The following ESRRB variants were observed in gnomAD, a reference collection of about 807,000 sequenced individuals.
ESRRB encodes the protein steroid hormone receptor ERR2.
In ESRRB, 16 loss-of-function variants were observed where a neutral mutation model predicts 46.0. The ratio of observed to expected loss-of-function variants is 0.35; its 90% confidence interval spans 0.24 to 0.53. The LOEUF (loss-of-function observed/expected upper bound fraction) is 0.53, where lower values mean the gene tolerates loss of function less well. Ranked by LOEUF, ESRRB falls within the 20% of genes least tolerant of loss-of-function variation. ESRRB has a pLI of 0.93. For missense variants in ESRRB, 488 were observed against 607.4 expected, an observed-to-expected ratio of 0.80 and a Z score of 2.07; for synonymous variants, 246 against 259.6, an observed-to-expected ratio of 0.95 and a Z score of 0.50.
intron 1 of ESRRB, among the ~76,000 whole-genome samples, chr14:76,403,848 T>A (rs945382491): frequency 6.6e-6 from 1 of 152,152 alleles, no homozygotes; most frequent in Admixed American, 6.6e-5. Flanking sequence ...TGCCTCAGCC[T>A]CCTGGGATTA....
intron 3 of ESRRB, among the ~76,000 whole-genome samples, chr14:76,465,554 T>A (rs941738993): frequency 6.6e-6 from 1 of 151,502 alleles, no homozygotes; most frequent in African/African-American, 2.4e-5. Flanking sequence ...GTATCGGGGG[T>A]GCTGGGAGGA....
At chr14:76,450,098 A>G (rs1342709277) in intron 2 of ESRRB, among the ~76,000 whole-genome samples, 1 of 151,994 alleles carries the variant, frequency 6.6e-6, no homozygotes, top group African/African-American at 2.4e-5. Flanking sequence ...GACAGGTGTT[A>G]TGAAGGAGAA....
chr14:76,389,790 A>G (rs776224861), intron 1 of ESRRB, among the ~76,000 whole-genome samples: 19 of 152,234 alleles, frequency 1.2e-4, no homozygotes, highest in Non-Finnish European at 2.5e-4. Context: ...GTATAAACTT[A>G]TAATTAAATA....
At chr14:76,477,686 C>T (rs1262402323) in intron 3 of ESRRB, among the ~76,000 whole-genome samples, 2 of 152,194 alleles carry the variant, frequency 1.3e-5, no homozygotes, top group Admixed American at 6.5e-5. Flanking sequence ...GCAAGGGGAA[C>T]AGACACATTT....
chr14:76,349,030 T>TTC (rs1036863705), intron 1 of ESRRB, among the ~76,000 whole-genome samples: 22 of 152,224 alleles, frequency 1.4e-4, no homozygotes, highest in Admixed American at 4.6e-4. Flanking sequence ...CAGAAAAGCT[T>TTC]TCACTAGCTT....
chr14:76,395,209 A>C (rs1307152234), intron 1 of ESRRB, among the ~76,000 whole-genome samples: 2 of 152,170 alleles, frequency 1.3e-5, no homozygotes, highest in African/African-American at 4.8e-5. Context: ...CCGGGGCCTC[A>C]TTCCATGGCT....
chr14:76,312,201 G>T (rs1883746431), intron 1 of ESRRB, among the ~76,000 whole-genome samples: 1 of 151,922 alleles, frequency 6.6e-6, no homozygotes, highest in Non-Finnish European at 1.5e-5. Context: ...TATTATTTTT[G>T]ATTGATTACA....
chr14:76,477,724 T>C (rs923150565), intron 3 of ESRRB, among the ~76,000 whole-genome samples: 5 of 151,504 alleles, frequency 3.3e-5, no homozygotes, highest in African/African-American at 1.2e-4. Context: ...TGTGCATAAT[T>C]AAACCCAACA....
At position 76,498,870 on chromosome 14, in the gene ESRRB, C is replaced by T. The variant is rs1364470008; in HGVS notation, c.*412C>T. On this transcript the variant is annotated 3_prime_UTR_variant, in exon 7 of 7. Transcript: ENST00000644823. ...ATCTGTGGCCTGGGTGGGCACTGCT[C>T]AGGCTGGATACCACCTGGAGGTTTT... The T allele has an allele frequency of 1.8e-6, 1 of 540,604 alleles. No homozygotes were observed. 33.5% of individuals were successfully genotyped at this position (540,604 alleles called of 1,614,324 possible). A position where few individuals can be genotyped will look rare whatever the true frequency, so the allele number is the denominator to read the frequency against.
At chr14:76,366,088 CTT>C (rs1884519013) in intron 1 of ESRRB, among the ~76,000 whole-genome samples, 1 of 152,116 alleles carries the variant, frequency 6.6e-6, no homozygotes, top group Admixed American at 6.5e-5. Flanking sequence ...TCTCCCCTAC[CTT>C]CAGGGAGTGA....
chr14:76,328,334 A>T (rs1883960782), intron 1 of ESRRB, among the ~76,000 whole-genome samples: 1 of 152,220 alleles, frequency 6.6e-6, no homozygotes, highest in Non-Finnish European at 1.5e-5. Flanking sequence ...GAGAGGAAGC[A>T]GTTAGAGTTG....
intron 3 of ESRRB, among the ~76,000 whole-genome samples, chr14:76,473,462 T>C (rs181802375): frequency 3.7e-4 from 56 of 152,344 alleles, no homozygotes; most frequent in Non-Finnish European, 2.9e-4. Context: ...GCCTGCCCTG[T>C]CTGAACCTTT....
At chr14:76,401,331 A>G (rs1478036723) in intron 1 of ESRRB, among the ~76,000 whole-genome samples, 1 of 152,136 alleles carries the variant, frequency 6.6e-6, no homozygotes, top group Admixed American at 6.5e-5. Context: ...CACCCAGCTG[A>G]TGGTGGCCCC....
At chr14:76,497,052 G>T in intron 6 of ESRRB, among the ~76,000 whole-genome samples, 1 of 152,180 alleles carries the variant, frequency 6.6e-6, no homozygotes, top group East Asian at 1.9e-4. Context: ...TCCTTGGGGA[G>T]AGTCGGGGGA....
intron 1 of ESRRB, among the ~76,000 whole-genome samples, chr14:76,438,089 T>C (rs1595117603): frequency 6.6e-6 from 1 of 151,956 alleles, no homozygotes; most frequent in Non-Finnish European, 1.5e-5. Context: ...GCAGGCTGGG[T>C]AGAAGCTGGC....
chr14:76,328,954 G>A (rs1243576044), intron 1 of ESRRB, among the ~76,000 whole-genome samples: 1 of 152,162 alleles, frequency 6.6e-6, no homozygotes, highest in East Asian at 1.9e-4. Context: ...CAGAGTAGTT[G>A]CTCAATACGG....
At chr14:76,476,832 C>T (rs1297838207) in intron 3 of ESRRB, among the ~76,000 whole-genome samples, 1 of 152,206 alleles carries the variant, frequency 6.6e-6, no homozygotes, top group African/African-American at 2.4e-5. Context: ...GTAGGCTTCA[C>T]CTTCCAGGCT....
At chr14:76,420,082 A>C (rs578184032) in intron 1 of ESRRB, among the ~76,000 whole-genome samples, 11 of 152,328 alleles carry the variant, frequency 7.2e-5, no homozygotes, top group African/African-American at 2.6e-4. Context: ...TTTGTAATGT[A>C]GACTTTTTTT....
intron 3 of ESRRB, among the ~76,000 whole-genome samples, chr14:76,471,947 G>A (rs992015510): frequency 2.0e-5 from 3 of 152,176 alleles, no homozygotes; most frequent in African/African-American, 7.2e-5. Context: ...GTCTGCCACA[G>A]ACTAAGAAAT....
Sources: allele counts gnomAD v4.1 joint callset (sites outside exome capture counted in the v4.1 genomes callset), GRCh38; gene constraint gnomAD v4.1.1; transcripts MANE v1.5; gene names NCBI Gene and HGNC (gene_info 2026-07-23, HGNC 2026-07-21).